The following ANKRD27 variants were observed in gnomAD, a reference collection of about 807,000 sequenced individuals.
ANKRD27 encodes the protein ankyrin repeat domain 27.
ANKRD27 carries 112 observed loss-of-function variants against 129.7 expected under a neutral mutation model. That is an observed-to-expected ratio of 0.86 (90% CI 0.74 to 1.01). The LOEUF (loss-of-function observed/expected upper bound fraction) is 1.01, where lower values mean the gene tolerates loss of function less well. ANKRD27 is among the 50% of genes least tolerant of loss of function. The pLI is 0.00. For missense variants in ANKRD27, 1,258 were observed against 1,300.5 expected (o/e 0.97, Z 0.50); for synonymous variants, 516 against 511.2 (o/e 1.01, Z -0.13).
chr19:32,632,396 G>T (rs1288015159), intron 12 of ANKRD27, among the ~76,000 whole-genome samples: 1 of 151,940 alleles, frequency 6.6e-6, no homozygotes, highest in African/African-American at 2.4e-5. Flanking sequence ...GACCAGCCTG[G>T]CCAACATGGT....
In ANKRD27 at chr19:32,599,998, G is replaced by A. The variant is rs754949637; in HGVS notation, c.2820C>T (p.Tyr940=). 1.9e-6 allele frequency: 3 copies of A among 1,613,018 alleles called. No individual in the cohort carries two copies. The highest frequency in any genetic ancestry group is 1.3e-5 in the African/African-American group (1 of 74,926). The part of the protein sequence containing the change: ...LPDEPFTRQF[Y]FVHSAGQFKG... The stretch of plus-strand genomic sequence containing the variant: ...TAAACTGACCAGCTGAGTGGACAAA[G>A]TAAAACTGTCTTGTAAAAGGCTCAT... Residue 940 remains tyrosine, a synonymous_variant, in exon 27 of 29, where the codon TAC becomes TAT. Coordinates refer to ENST00000306065, the MANE Select transcript of ANKRD27 (RefSeq NM_032139.3).
At chr19:32,601,123 AC>A (rs1971646042) in intron 26 of ANKRD27, among the ~76,000 whole-genome samples, 1 of 150,616 alleles carries the variant, frequency 6.6e-6, no homozygotes, top group Non-Finnish European at 1.5e-5. Context: ...ACATTGTGAA[AC>A]CCTGTCTCTA....
chr19:32,668,367 T>C (rs1967800125), intron 1 of ANKRD27, among the ~76,000 whole-genome samples: 1 of 152,210 alleles, frequency 6.6e-6, no homozygotes, highest in African/African-American at 2.4e-5. Context: ...TCTCACTATG[T>C]TGCCCAGGCT....
At chr19:32,644,253 A>G (rs1406859637) in intron 5 of ANKRD27, 72 bp downstream of exon 5, 6 of 1,528,974 alleles carry the variant, frequency 3.9e-6, no homozygotes, top group Non-Finnish European at 5.3e-6. Context: ...TCCAGAGGAA[A>G]CTGAGGGCTC....
At chr19:32,672,142 C>T (rs1297165672) in intron 1 of ANKRD27, among the ~76,000 whole-genome samples, 3 of 152,220 alleles carry the variant, frequency 2.0e-5, no homozygotes, top group African/African-American at 7.2e-5. Context: ...ATGGCCGTTC[C>T]CGCCCTTCCG....
intron 25 of ANKRD27, among the ~76,000 whole-genome samples, chr19:32,604,002 TGAG>T (rs761413692): frequency 6.6e-6 from 1 of 151,078 alleles, no homozygotes; most frequent in Admixed American, 6.6e-5. Flanking sequence ...TACTGCTAGC[TGAG>T]GGGGGGGCCC....
chr19:32,599,732 G>A lies in ANKRD27; in HGVS notation c.2891C>T (p.Pro964Leu), dbSNP rs772167503. The change falls in exon 28 of 29, where the codon CCT becomes CTT. Residue 964 changes from proline to leucine, a missense_variant. Physicochemically the swap from Pro to Leu is moderately conservative, Grantham distance 98. Coordinates refer to ENST00000306065, the MANE Select transcript of ANKRD27 (RefSeq NM_032139.3). ...REIMARDRSV[P>L]NLTEGSLHEP... Reference sequence around the variant, plus strand: ...ATGCAAAGAACCTTCGGTTAAATTAGGGACACTTCTATCTCTTGCCATAAT... The same window carrying A: ...ATGCAAAGAACCTTCGGTTAAATTAAGGACACTTCTATCTCTTGCCATAAT... The A allele has an allele frequency of 8.1e-6, 13 of 1,613,340 alleles. No individual in the cohort carries two copies. Among genetic ancestry groups the A allele is most frequent in the Non-Finnish European group, 1.1e-5 (13 of 1,179,856 alleles).
intron 10 of ANKRD27, 64 bp from the exon 11 acceptor site, chr19:32,640,449 A>G: frequency 7.5e-7 from 1 of 1,339,748 alleles, no homozygotes; most frequent in Non-Finnish European, 1.1e-6. Context: ...AAGCATATCA[A>G]CTCCCTACCA....
intron 18 of ANKRD27, 44 bp from the exon 19 acceptor site, chr19:32,619,597 G>T: frequency 6.2e-7 from 1 of 1,608,134 alleles, no homozygotes; most frequent in Non-Finnish European, 8.5e-7. Context: ...GTGAGATGGG[G>T]GTCGTCTCAG....
rs774737271 is a variant in ANKRD27, at chr19:32,646,513, C to T, written c.316G>A (p.Glu106Lys). 1.2e-6 allele frequency: 2 copies of T among 1,614,186 alleles called. No individual in the cohort carries two copies. The highest frequency in any genetic ancestry group is 4.5e-5 in the East Asian group (2 of 44,888). Residue 106 changes from glutamate to lysine, a missense_variant, in exon 4 of 29, where the codon GAG becomes AAG. Glu to Lys is a moderately conservative substitution (Grantham distance 56). Transcript: ENST00000306065. ...FEETFYNEKE[E>K]SFSILCIAHP... ...GCTATACACAGGATGCTGAAACTCT[C>T]TTCTTTTTCATTGTAGAAAGTTTCT...
chr19:32,618,469 A>AT (rs1383345176), intron 20 of ANKRD27, among the ~76,000 whole-genome samples: 1 of 151,264 alleles, frequency 6.6e-6, no homozygotes, highest in African/African-American at 2.4e-5. Flanking sequence ...AAAAAAAAAA[A>AT]AAAGAAATAC....
chr19:32,630,208 T>A (rs941104792), intron 13 of ANKRD27, among the ~76,000 whole-genome samples: 2 of 152,198 alleles, frequency 1.3e-5, no homozygotes, highest in African/African-American at 4.8e-5. Context: ...CACACAAACC[T>A]GCAGAGCTCA....
chr19:32,619,568 G>A lies in ANKRD27; in HGVS notation c.1828-15C>T, dbSNP rs1324536116. The A allele has an allele frequency of 6.2e-7, 1 of 1,614,070 alleles. No homozygotes were observed. The highest frequency in any genetic ancestry group is 1.7e-5 in the Admixed American group (1 of 60,016). ...ACAGACAGAATCTAGGGGGACAAGG[G>A]GGATGCCAACAGTACCCCGTGAGAT... On this transcript the variant is annotated splice_polypyrimidine_tract_variant and intron_variant, in intron 18 of 28. Coordinates refer to ENST00000306065, the MANE Select transcript of ANKRD27 (RefSeq NM_032139.3).
intron 5 of ANKRD27, 41 bp downstream of exon 5, chr19:32,644,284 G>T: frequency 6.3e-7 from 1 of 1,596,262 alleles, no homozygotes; most frequent in Non-Finnish European, 8.6e-7. Flanking sequence ...GCACTGAACC[G>T]AGACAGGGCA....
At chr19:32,615,315 T>C (rs535715291) in intron 22 of ANKRD27, among the ~76,000 whole-genome samples, 4 of 152,176 alleles carry the variant, frequency 2.6e-5, no homozygotes, top group Non-Finnish European at 5.9e-5. Flanking sequence ...CCAGGAGCAG[T>C]GGCTCACGTC....
intron 1 of ANKRD27, among the ~76,000 whole-genome samples, chr19:32,671,917 T>C (rs1302560823): frequency 6.6e-6 from 1 of 152,200 alleles, no homozygotes; most frequent in African/African-American, 2.4e-5. Flanking sequence ...CTGCAGTTAT[T>C]CTATGAACAG....
chr19:32,628,883 C>T lies in ANKRD27; in HGVS notation c.1210-34G>A, dbSNP rs767616637. ...TGACATCCAAGATGCTATCCACATG[C>T]TGGAATTACTCAATTATTAGGAGTA... On this transcript the variant is annotated intron_variant, in intron 13 of 28. Transcript: ENST00000306065. The T allele has an allele frequency of 3.7e-6, 6 of 1,611,426 alleles. No homozygotes were observed. The East Asian group carries it at 8.9e-5, about 24-fold the overall frequency.
chr19:32,598,622 AT>A (rs1263829670), intron 28 of ANKRD27, among the ~76,000 whole-genome samples: 1 of 152,124 alleles, frequency 6.6e-6, no homozygotes, highest in Non-Finnish European at 1.5e-5. Context: ...TACTATTGTT[AT>A]CCCCGTTTTA....
chr19:32,600,397 C>T lies in ANKRD27; in HGVS notation c.2768-347G>A, dbSNP rs138047264. 4.2e-5 allele frequency: 8 copies of T among 192,304 alleles called. No homozygotes were observed. The East Asian group carries it at 9.4e-4, about 23-fold the overall frequency. The allele number at this position is 192,304 out of a possible 1,614,324, so 11.9% of individuals were successfully genotyped here. On this transcript the variant is annotated intron_variant, in intron 26 of 28. Transcript: ENST00000306065. ...TCTACCCAAAATACAAAAACTTAGC[C>T]AGGCGTGGTGGCACGCACCTATAAT...
Sources: gnomAD v4.1 joint callset for allele counts (sites outside exome capture counted in the v4.1 genomes callset) on GRCh38, gnomAD v4.1.1 for gene constraint, MANE v1.5 for transcripts, NCBI Gene and HGNC (gene_info 2026-07-23, HGNC 2026-07-21) for gene names.